The following COL8A1 variants were observed in gnomAD, a reference collection of about 807,000 sequenced individuals.
The protein encoded by COL8A1 is collagen type VIII alpha 1 chain.
COL8A1 carries 21 observed loss-of-function variants against 42.7 expected under a neutral mutation model. The observed-to-expected ratio is 0.49, with a 90% CI of 0.35 to 0.71. The LOEUF is 0.71. Ranked by LOEUF, COL8A1 falls within the 30% of genes least tolerant of loss-of-function variation. The pLI is 0.01. For synonymous variants in COL8A1, 367 were observed against 369.1 expected, an observed-to-expected ratio of 0.99 and a Z score of 0.06; for missense variants, 788 against 962.4, an observed-to-expected ratio of 0.82 and a Z score of 2.40.
chr3:99,716,280 C>T (rs1239809967), intron 1 of COL8A1, among the ~76,000 whole-genome samples: 1 of 152,146 alleles, frequency 6.6e-6, no homozygotes, highest in East Asian at 1.9e-4. Context: ...ATCTAATTCT[C>T]ACATTGGTGG....
intron 1 of COL8A1, among the ~76,000 whole-genome samples, chr3:99,742,978 C>A (rs964530475): frequency 6.6e-6 from 1 of 152,298 alleles, no homozygotes; most frequent in Admixed American, 6.5e-5. Context: ...TAATTCATTT[C>A]TTCAACATTG....
intron 2 of COL8A1, among the ~76,000 whole-genome samples, chr3:99,789,752 T>A (rs953073934): frequency 7.2e-5 from 11 of 152,188 alleles, no homozygotes; most frequent in Non-Finnish European, 1.3e-4. Context: ...TAGTTAAACA[T>A]CTCCCTCTTA....
At chr3:99,651,411 A>G (rs1040815566) in intron 1 of COL8A1, among the ~76,000 whole-genome samples, 1 of 152,216 alleles carries the variant, frequency 6.6e-6, no homozygotes, top group African/African-American at 2.4e-5. Flanking sequence ...ATTTTCCCAG[A>G]GCATTTTTGT....
intron 1 of COL8A1, among the ~76,000 whole-genome samples, chr3:99,670,266 T>C (rs950756198): frequency 2.0e-5 from 3 of 152,098 alleles, no homozygotes; most frequent in Non-Finnish European, 4.4e-5. Context: ...GTAACAGCCA[T>C]ATCTCTTTTT....
At chr3:99,664,058 G>A (rs1938290799) in intron 1 of COL8A1, among the ~76,000 whole-genome samples, 1 of 152,182 alleles carries the variant, frequency 6.6e-6, no homozygotes, top group Non-Finnish European at 1.5e-5. Context: ...AGCAACGTTA[G>A]CACTGAGTCT....
intron 2 of COL8A1, among the ~76,000 whole-genome samples, chr3:99,769,690 G>A (rs952225874): frequency 6.6e-6 from 1 of 152,224 alleles, no homozygotes; most frequent in African/African-American, 2.4e-5. Flanking sequence ...GGAGGCCAAG[G>A]CGGGTGGATC....
At chr3:99,750,973 G>C (rs1042405914) in intron 2 of COL8A1, among the ~76,000 whole-genome samples, 2 of 152,138 alleles carry the variant, frequency 1.3e-5, no homozygotes, top group Admixed American at 6.5e-5. Context: ...TAAAATGTCA[G>C]GTGGAAATAC....
At chr3:99,645,827 G>C (rs1648301193) in intron 1 of COL8A1, among the ~76,000 whole-genome samples, 1 of 152,068 alleles carries the variant, frequency 6.6e-6, no homozygotes, top group South Asian at 2.1e-4. Context: ...CTTAGAAAAT[G>C]TTCTTTCCAA....
At chr3:99,714,148 T>C (rs1458165888) in intron 1 of COL8A1, among the ~76,000 whole-genome samples, 2 of 152,112 alleles carry the variant, frequency 1.3e-5, no homozygotes, top group African/African-American at 4.8e-5. Flanking sequence ...AAAACACATG[T>C]ATTTATGATT....
At chr3:99,647,998 T>C (rs2107285746) in intron 1 of COL8A1, among the ~76,000 whole-genome samples, 1 of 152,292 alleles carries the variant, frequency 6.6e-6, no homozygotes, top group East Asian at 1.9e-4. Context: ...AGAAAATAAG[T>C]AGCTCATAGT....
chr3:99,738,707 G>A (rs1401755199), intron 1 of COL8A1, among the ~76,000 whole-genome samples: 1 of 151,566 alleles, frequency 6.6e-6, no homozygotes, highest in African/African-American at 2.4e-5. Context: ...CAGAGGTGGA[G>A]CCTACAGAGG....
At chr3:99,665,603 C>T (rs890958570) in intron 1 of COL8A1, among the ~76,000 whole-genome samples, 2 of 151,868 alleles carry the variant, frequency 1.3e-5, no homozygotes, top group East Asian at 1.9e-4. Flanking sequence ...ATTCACTCCT[C>T]TCTCAGGGGC....
chr3:99,751,987 T>TA (rs1941159581), intron 2 of COL8A1, among the ~76,000 whole-genome samples: 3 of 152,162 alleles, frequency 2.0e-5, no homozygotes, highest in Admixed American at 6.5e-5. Context: ...TTCTTTGAGT[T>TA]AAAAAATCCA....
intron 1 of COL8A1, among the ~76,000 whole-genome samples, chr3:99,734,981 G>C (rs1463860076): frequency 6.6e-6 from 1 of 151,984 alleles, no homozygotes; most frequent in Non-Finnish European, 1.5e-5. Flanking sequence ...GAATGCTTGT[G>C]ATTTTTGTAC....
chr3:99,647,859 G>T (rs1220095793), intron 1 of COL8A1, among the ~76,000 whole-genome samples: 8 of 152,130 alleles, frequency 5.3e-5, no homozygotes, highest in Non-Finnish European at 1.2e-4. Context: ...ATGACACTCA[G>T]ACCTCCCACT....
At chr3:99,776,586 C>T (rs925749072) in intron 2 of COL8A1, among the ~76,000 whole-genome samples, 3 of 152,072 alleles carry the variant, frequency 2.0e-5, no homozygotes, top group Non-Finnish European at 4.4e-5. Flanking sequence ...AAAATGTTAC[C>T]GGAAAGGGGT....
intron 2 of COL8A1, among the ~76,000 whole-genome samples, chr3:99,765,574 G>T (rs1941448431): frequency 6.6e-6 from 1 of 152,006 alleles, no homozygotes; most frequent in South Asian, 2.1e-4. Context: ...TCCCAAATTC[G>T]TCCCCAGGCC....
intron 1 of COL8A1, among the ~76,000 whole-genome samples, chr3:99,680,846 C>T (rs1162074952): frequency 6.6e-6 from 1 of 152,086 alleles, no homozygotes; most frequent in Non-Finnish European, 1.5e-5. Context: ...ACATCTACAA[C>T]CATCTGATCT....
At chr3:99,649,546 T>C (rs1407053815) in intron 1 of COL8A1, among the ~76,000 whole-genome samples, 1 of 152,286 alleles carries the variant, frequency 6.6e-6, no homozygotes, top group East Asian at 1.9e-4. Context: ...TGGTAGAAAC[T>C]CCTTTCCATT....
Sources: gnomAD v4.1 joint callset for allele counts (sites outside exome capture counted in the v4.1 genomes callset) on GRCh38, gnomAD v4.1.1 for gene constraint, MANE v1.5 for transcripts, NCBI Gene and HGNC (gene_info 2026-07-23, HGNC 2026-07-21) for gene names.